PRUNE2: variants seen among roughly 807,000 people sequenced by gnomAD.
PRUNE2 encodes protein prune homolog 2.
In PRUNE2, 164 loss-of-function variants were observed where a neutral mutation model predicts 252.0. The observed-to-expected ratio is 0.65, with a 90% CI of 0.57 to 0.74. The LOEUF (loss-of-function observed/expected upper bound fraction) is 0.74. Among genes scored for constraint, PRUNE2 ranks in the 30% least tolerant of loss-of-function variants. PRUNE2 has a pLI of 0.00. For synonymous variants in PRUNE2, 1,292 were observed against 1,350.2 expected (o/e 0.96, Z 0.94); for missense variants, 3,495 against 3,711.0 (o/e 0.94, Z 1.51).
rs1426846534 is a variant in PRUNE2, at chr9:76,612,035, A to T, written c.*2535T>A. On this transcript the variant is annotated 3_prime_UTR_variant, in exon 19 of 19. Coordinates refer to ENST00000376718, the MANE Select transcript of PRUNE2 (RefSeq NM_015225.3). ...CCTCTGTCTACCTATCTGCTTAGGG[A>T]TTATTTTTCTAGGATTCATCTAGGA... 6.6e-6 allele frequency: 1 copy of T among 152,540 alleles called. No individual in the cohort carries two copies. The highest frequency in any genetic ancestry group is 1.9e-4 in the East Asian group (1 of 5,198). The allele number at this position is 152,540 out of a possible 1,614,324, so 9.4% of individuals were successfully genotyped here.
At chr9:76,866,431 G>T (rs1018574022) in intron 1 of PRUNE2, among the ~76,000 whole-genome samples, 1 of 152,200 alleles carries the variant, frequency 6.6e-6, no homozygotes, top group African/African-American at 2.4e-5. Flanking sequence ...GCGATATTTT[G>T]TAGTTATTAT....
chr9:76,669,271 G>A (rs1383144455), intron 9 of PRUNE2, among the ~76,000 whole-genome samples: 2 of 151,812 alleles, frequency 1.3e-5, no homozygotes, highest in East Asian at 1.9e-4. Context: ...ATCACACACA[G>A]TACAAGGTCA....
chr9:76,692,123 G>T (rs2044823033), intron 9 of PRUNE2: 1 of 717,312 alleles, frequency 1.4e-6, no homozygotes, highest in Non-Finnish European at 2.6e-6. Flanking sequence ...AAGGATGCAC[G>T]ACTACAGCTC....
chr9:76,870,438 C>T (rs1433151923), intron 1 of PRUNE2, among the ~76,000 whole-genome samples: 3 of 151,940 alleles, frequency 2.0e-5, no homozygotes, highest in African/African-American at 7.3e-5. Context: ...GTAATCCCAG[C>T]ACTTTGGGAG....
At chr9:76,898,948 C>T (rs768850572) in intron 1 of PRUNE2, among the ~76,000 whole-genome samples, 5 of 152,192 alleles carry the variant, frequency 3.3e-5, no homozygotes, top group South Asian at 2.1e-4. Flanking sequence ...ACTAGTTGGA[C>T]GAGAGGTCTG....
chr9:76,789,064 C>T (rs1433049697), intron 6 of PRUNE2, among the ~76,000 whole-genome samples: 1 of 152,178 alleles, frequency 6.6e-6, no homozygotes, highest in African/African-American at 2.4e-5. Context: ...CCTCCACCCT[C>T]ATATTTTCAG....
intron 1 of PRUNE2, among the ~76,000 whole-genome samples, chr9:76,855,145 G>A (rs1038038226): frequency 6.8e-6 from 1 of 146,398 alleles, no homozygotes; most frequent in South Asian, 2.1e-4. Context: ...TCATTTTCTG[G>A]TTAACTAAAT....
rs10121983 is a variant in PRUNE2, at chr9:76,782,508, T to C, written c.756+41124A>G. On this transcript the variant is annotated intron_variant, in intron 6 of 18. Coordinates refer to ENST00000376718, the MANE Select transcript of PRUNE2 (RefSeq NM_015225.3). ...CATGAAGACAACTACAGCATCTTCT[T>C]TACAGAGTTCTTCTAAAAATTAAAT... 5.0e-3 allele frequency among the ~76,000 whole-genome samples: 756 copies of C among 152,326 alleles called. 2 individuals are homozygous for C. The highest frequency in any genetic ancestry group is 0.017 in the African/African-American group (715 of 41,570).
At chr9:76,846,745 T>A in intron 3 of PRUNE2, 67 bp from the exon 4 acceptor site, 1 of 1,387,326 alleles carries the variant, frequency 7.2e-7, no homozygotes, top group Admixed American at 1.9e-5. Flanking sequence ...TTGGAATGTT[T>A]AAATCTCTGC....
intron 1 of PRUNE2, among the ~76,000 whole-genome samples, chr9:76,883,420 G>A (rs891453613): frequency 6.6e-6 from 1 of 152,182 alleles, no homozygotes; most frequent in Non-Finnish European, 1.5e-5. Context: ...TGGTAGAAAT[G>A]TCTGCAGCTT....
Position 76,629,292 on chromosome 9 carries a change from T to TAA in PRUNE2, c.9051-4_9051-3dup, listed in dbSNP as rs370679936. 485 of 1,159,744 alleles carry TAA rather than the reference T, an allele frequency of 4.2e-4. No homozygotes were observed. Among genetic ancestry groups the TAA allele is most frequent in the Non-Finnish European group, 4.8e-4 (406 of 838,448 alleles). The allele number at this position is 1,159,744 out of a possible 1,614,324, so 71.8% of individuals were successfully genotyped here. On this transcript the variant is annotated splice_region_variant and splice_polypyrimidine_tract_variant and intron_variant, in intron 15 of 18. Coordinates refer to ENST00000376718, the MANE Select transcript of PRUNE2 (RefSeq NM_015225.3). ...TTAATTTTACTGCTGAATTTTGAAC[T>TAA]AAAAAAAAAAAAAAGAAAAAAATAT...
At chr9:76,837,441 A>AAATAATAAT (rs57793891) in intron 4 of PRUNE2, among the ~76,000 whole-genome samples, 27,368 of 134,284 alleles carry the variant, frequency 0.2, 2,790 homozygotes, top group Admixed American at 0.22. Context: ...ACTCTGTCTC[A>AAATAATAAT]AATAATAATA....
chr9:76,896,925 C>T (rs1469824585), intron 1 of PRUNE2, among the ~76,000 whole-genome samples: 1 of 152,182 alleles, frequency 6.6e-6, no homozygotes, highest in African/African-American at 2.4e-5. Flanking sequence ...AAATGATGCC[C>T]ATAACATTTC....
chr9:76,790,671 C>G (rs187621417), intron 6 of PRUNE2, among the ~76,000 whole-genome samples: 1 of 152,210 alleles, frequency 6.6e-6, no homozygotes, highest in Non-Finnish European at 1.5e-5. Flanking sequence ...AAAGGTTGTG[C>G]TTTCTCATAT....
At chr9:76,718,929 A>T (rs2047392435) in intron 6 of PRUNE2, among the ~76,000 whole-genome samples, 1 of 152,042 alleles carries the variant, frequency 6.6e-6, no homozygotes, top group African/African-American at 2.4e-5. Flanking sequence ...CTCTCACGTA[A>T]TTCACCAGCA....
intron 6 of PRUNE2, among the ~76,000 whole-genome samples, chr9:76,728,502 A>T (rs2048311355): frequency 6.6e-6 from 1 of 152,222 alleles, no homozygotes; most frequent in Non-Finnish European, 1.5e-5. Flanking sequence ...GTATTGACAT[A>T]AAGAAATATT....
chr9:76,709,149 G>A lies in PRUNE2; in HGVS notation c.3125C>T (p.Ser1042Phe). 6.2e-7 allele frequency: 1 copy of A among 1,613,980 alleles called. No homozygotes were observed. The highest frequency in any genetic ancestry group is 8.5e-7 in the Non-Finnish European group (1 of 1,179,896). The stretch of plus-strand genomic sequence containing the variant: ...CAGGTTGTGAGTGGTATTTATTTCA[G>A]AACTGTTATCTGTATGAGGTGAAGC... ...MWASPHTDNSSEINTTHNLDE... is the reference protein window; with the variant it reads ...MWASPHTDNSFEINTTHNLDE... Residue 1042 changes from serine to phenylalanine, a missense_variant, in exon 8 of 19, where the codon TCT (serine) becomes TTT (phenylalanine). Transcript: ENST00000376718.
chr9:76,796,748 G>T (rs2056125383), intron 6 of PRUNE2, among the ~76,000 whole-genome samples: 1 of 152,280 alleles, frequency 6.6e-6, no homozygotes, highest in Non-Finnish European at 1.5e-5. Context: ...ACTGGAATTA[G>T]CAGACCGGGT....
intron 6 of PRUNE2, among the ~76,000 whole-genome samples, chr9:76,799,988 G>T (rs1420527736): frequency 1.3e-5 from 2 of 152,106 alleles, no homozygotes; most frequent in Non-Finnish European, 2.9e-5. Flanking sequence ...TACCTATCTG[G>T]AATGGGCAGC....
Sources: gnomAD v4.1 joint callset for allele counts (sites outside exome capture counted in the v4.1 genomes callset) on GRCh38, gnomAD v4.1.1 for gene constraint, MANE v1.5 for transcripts, NCBI Gene and HGNC (gene_info 2026-07-23, HGNC 2026-07-21) for gene names.